Variants in EYS observed in about 807,000 individuals in gnomAD.
The protein encoded by EYS is EGF-like photoreceptor maintenance factor.
EYS carries 250 observed loss-of-function variants against 282.1 expected under a neutral mutation model. That is an observed-to-expected ratio of 0.89 (90% CI 0.80 to 0.98). The LOEUF (loss-of-function observed/expected upper bound fraction) is 0.98. Ranked by LOEUF, EYS falls within the 50% of genes least tolerant of loss-of-function variation. EYS has a pLI of 0.00. For synonymous variants in EYS, 1,355 were observed against 1,282.9 expected (o/e 1.06, Z -1.20); for missense variants, 4,016 against 3,709.0 (o/e 1.08, Z -2.15).
chr6:65,014,760 C>T (rs1771989188), intron 13 of EYS, among the ~76,000 whole-genome samples: 2 of 152,208 alleles, frequency 1.3e-5, no homozygotes, highest in Admixed American at 1.3e-4. Context: ...TGCCCTCCCA[C>T]TCCCTTCACT....
chr6:64,598,881 G>A (rs1766671064), intron 24 of EYS, among the ~76,000 whole-genome samples: 1 of 152,206 alleles, frequency 6.6e-6, no homozygotes, highest in South Asian at 2.1e-4. Context: ...TGTTTTGGAG[G>A]CAGTGGCCAG....
chr6:63,996,783 A>T (rs1767857589), intron 34 of EYS, among the ~76,000 whole-genome samples: 1 of 152,148 alleles, frequency 6.6e-6, no homozygotes, highest in Admixed American at 6.5e-5. Flanking sequence ...AAATAATTTA[A>T]AATATGAAAA....
intron 35 of EYS, among the ~76,000 whole-genome samples, chr6:63,951,996 AC>A (rs1048580840): frequency 1.2e-4 from 19 of 152,202 alleles, no homozygotes; most frequent in Middle Eastern, 6.8e-3. Context: ...CAGCCCTCAA[AC>A]CCCACAAAAG....
At chr6:64,507,537 AT>A (rs749677124) in intron 26 of EYS, among the ~76,000 whole-genome samples, 33 of 152,306 alleles carry the variant, frequency 2.2e-4, no homozygotes, top group Admixed American at 5.9e-4. Flanking sequence ...AATGAAGTGC[AT>A]TTTTATTTCA....
At chr6:64,261,571 T>C (rs1193076587) in intron 30 of EYS, among the ~76,000 whole-genome samples, 1 of 152,092 alleles carries the variant, frequency 6.6e-6, no homozygotes, top group African/African-American at 2.4e-5. Flanking sequence ...TTTATTAACA[T>C]GTAATCAATG....
chr6:64,983,774 T>C (rs957655364), intron 14 of EYS, among the ~76,000 whole-genome samples: 1 of 151,318 alleles, frequency 6.6e-6, no homozygotes, highest in Non-Finnish European at 1.5e-5. Context: ...TTTGTGGTTA[T>C]TTCTCCCTGT....
intron 30 of EYS, among the ~76,000 whole-genome samples, chr6:64,241,788 G>T (rs769199099): frequency 2.0e-5 from 3 of 151,426 alleles, no homozygotes; most frequent in African/African-American, 7.3e-5. Flanking sequence ...GTGATATTAG[G>T]GTGTCAATTT....
intron 2 of EYS, among the ~76,000 whole-genome samples, chr6:65,571,186 T>C (rs1466965951): frequency 6.6e-6 from 1 of 152,074 alleles, no homozygotes. Context: ...CATACATACA[T>C]GGGAGAAAAG....
intron 12 of EYS, among the ~76,000 whole-genome samples, chr6:65,253,605 C>T (rs559485195): frequency 3.8e-4 from 58 of 151,900 alleles, no homozygotes; most frequent in Non-Finnish European, 6.8e-4. Context: ...TGACATCCAT[C>T]ATTGAAATTA....
chr6:64,853,904 A>G (rs1475907351), intron 19 of EYS, among the ~76,000 whole-genome samples: 1 of 152,034 alleles, frequency 6.6e-6, no homozygotes, highest in African/African-American at 2.4e-5. Flanking sequence ...AATTTACAAG[A>G]AAAAAACAAA....
chr6:65,361,739 C>T (rs1441752631), intron 8 of EYS, among the ~76,000 whole-genome samples: 2 of 152,068 alleles, frequency 1.3e-5, no homozygotes, highest in African/African-American at 4.8e-5. Context: ...TTTCAGCCTC[C>T]CAACATGCTG....
intron 12 of EYS, among the ~76,000 whole-genome samples, chr6:65,132,930 G>A (rs1452414159): frequency 4.0e-5 from 6 of 151,898 alleles, no homozygotes; most frequent in African/African-American, 2.4e-5. Flanking sequence ...CAGCCAAGCT[G>A]AGAGGCAAAT....
chr6:65,094,143 C>T (rs1242623139), intron 12 of EYS, among the ~76,000 whole-genome samples: 1 of 150,974 alleles, frequency 6.6e-6, no homozygotes, highest in Non-Finnish European at 1.5e-5. Flanking sequence ...ATAATGATAA[C>T]TGGTCAATTC....
At chr6:64,585,123 G>A (rs11756092) in intron 26 of EYS, among the ~76,000 whole-genome samples, 1 of 151,982 alleles carries the variant, frequency 6.6e-6, no homozygotes. Context: ...ATACATCATT[G>A]AATACTACAC....
At chr6:63,922,344 C>T (rs748784143) in intron 35 of EYS, among the ~76,000 whole-genome samples, 6 of 152,300 alleles carry the variant, frequency 3.9e-5, no homozygotes, top group Middle Eastern at 3.4e-3. Context: ...AGGCAGATCT[C>T]TTGAAGTCAG....
chr6:64,151,345 A>ATT (rs1562226721), intron 31 of EYS, among the ~76,000 whole-genome samples: 9 of 118,378 alleles, frequency 7.6e-5, no homozygotes, highest in African/African-American at 3.7e-4. Flanking sequence ...ATATATATAT[A>ATT]TATATATATA....
At chr6:64,853,941 A>G (rs1017975183) in intron 19 of EYS, among the ~76,000 whole-genome samples, 6 of 152,052 alleles carry the variant, frequency 3.9e-5, no homozygotes, top group African/African-American at 1.2e-4. Context: ...TGGGTGAAGG[A>G]TATGAACAGA....
chr6:64,021,182 T>G (rs1308670510), intron 33 of EYS, among the ~76,000 whole-genome samples: 1 of 152,208 alleles, frequency 6.6e-6, no homozygotes, highest in Non-Finnish European at 1.5e-5. Flanking sequence ...TTTTCTTTAT[T>G]GCTTAGTAGC....
intron 41 of EYS, among the ~76,000 whole-genome samples, chr6:63,730,976 G>A (rs758431612): frequency 5.9e-5 from 9 of 152,062 alleles, no homozygotes; most frequent in African/African-American, 1.9e-4. Context: ...AGTTGAGATC[G>A]CACCACTGCA....
Sources: allele counts gnomAD v4.1 joint callset (sites outside exome capture counted in the v4.1 genomes callset), GRCh38; gene constraint gnomAD v4.1.1; transcripts MANE v1.5; gene names NCBI Gene and HGNC (gene_info 2026-07-23, HGNC 2026-07-21).